The following MACROD2 variants were observed in gnomAD, a reference collection of about 807,000 sequenced individuals.
MACROD2 encodes the protein mono-ADP ribosylhydrolase 2, also known as ADP-ribose glycohydrolase MACROD2.
MACROD2 carries 36 observed loss-of-function variants against 70.4 expected under a neutral mutation model. That is an observed-to-expected ratio of 0.51 (90% CI 0.39 to 0.68). The LOEUF is 0.68. MACROD2 is among the 30% of genes least tolerant of loss of function. The pLI is 0.00. For missense variants in MACROD2, 496 were observed against 538.4 expected, an observed-to-expected ratio of 0.92 and a Z score of 0.78; for synonymous variants, 172 against 178.8, an observed-to-expected ratio of 0.96 and a Z score of 0.30.
At chr20:15,773,359 G>A (rs1253433102) in intron 8 of MACROD2, among the ~76,000 whole-genome samples, 2 of 151,932 alleles carry the variant, frequency 1.3e-5, no homozygotes, top group African/African-American at 2.4e-5. Flanking sequence ...TTTAAAATGA[G>A]GGGACAGAGA....
At chr20:15,194,245 CAAAAAAAAA>C (rs71190180) in intron 5 of MACROD2, among the ~76,000 whole-genome samples, 1 of 49,846 alleles carries the variant, frequency 2.0e-5, no homozygotes, top group Non-Finnish European at 3.3e-5. Context: ...CACTCTGTCT[CAAAAAAAAA>C]AAAAAAAAAA....
intron 5 of MACROD2, among the ~76,000 whole-genome samples, chr20:14,840,033 C>CTTTTTTTTTTTTTTTTTTTTTTT (rs71190154): frequency 7.0e-6 from 1 of 142,492 alleles, no homozygotes. Context: ...GTCTCCATGT[C>CTTTTTTTTTTTTTTTTTTTTTTT]TTTTTTTTTT....
chr20:15,695,297 T>C (rs1157064940), intron 8 of MACROD2, among the ~76,000 whole-genome samples: 1 of 152,216 alleles, frequency 6.6e-6, no homozygotes, highest in Non-Finnish European at 1.5e-5. Flanking sequence ...AATTTGTACA[T>C]TGCTTTTGGC....
At chr20:15,091,343 TAAAAC>T (rs2075791390) in intron 5 of MACROD2, among the ~76,000 whole-genome samples, 1 of 147,156 alleles carries the variant, frequency 6.8e-6, no homozygotes, top group Non-Finnish European at 1.5e-5. Flanking sequence ...ACTTAAAAAA[TAAAAC>T]CAAACAAAAA....
rs1392156371 is a variant in MACROD2 at position 15,821,647 on chromosome 20, G to A, written c.646-41098G>A. ...TGTTCAAAAAATGGATAGTGTGTCC[G>A]TATTGACCATGTACACGCATCTTTC... On this transcript the variant is annotated intron_variant, in intron 8 of 17. Transcript: ENST00000684519. 2.6e-5 allele frequency among the ~76,000 whole-genome samples: 4 copies of A among 152,250 alleles called. No homozygotes were observed. In the East Asian group the frequency reaches 5.8e-4, roughly 22 times the overall value.
At chr20:14,770,327 A>G (rs2072148160) in intron 5 of MACROD2, among the ~76,000 whole-genome samples, 1 of 152,066 alleles carries the variant, frequency 6.6e-6, no homozygotes, top group Non-Finnish European at 1.5e-5. Context: ...ATAGGGGACT[A>G]CAGGAGAGGG....
chr20:14,901,998 AC>A (rs1373536155), intron 5 of MACROD2, among the ~76,000 whole-genome samples: 1 of 152,178 alleles, frequency 6.6e-6, no homozygotes, highest in Non-Finnish European at 1.5e-5. Context: ...AGTGGAACTT[AC>A]TCTAAGCAGT....
chr20:14,722,048 A>C (rs1038172281), intron 5 of MACROD2, among the ~76,000 whole-genome samples: 9 of 152,154 alleles, frequency 5.9e-5, no homozygotes, highest in African/African-American at 1.9e-4. Context: ...CCCATAACAA[A>C]CAACCACAAA....
intron 4 of MACROD2, among the ~76,000 whole-genome samples, chr20:14,667,380 G>GTCTTGCCAATCCACTGATTAAAAT (rs2070747311): frequency 6.6e-6 from 1 of 152,156 alleles, no homozygotes; most frequent in Non-Finnish European, 1.5e-5. Context: ...ATTGCATTTA[G>GTCTTGCCAATCCACTGATTAAAAT]TCTTGCCAAT....
rs188461961 is a variant in MACROD2, at chr20:15,163,412, A to G, written c.419-66528A>G. Among the ~76,000 whole-genome samples the G allele has an allele frequency of 6.3e-4, 96 of 152,174 alleles. 2 individuals are homozygous for G. The East Asian group carries it at 0.018, about 28-fold the overall frequency. On this transcript the variant is annotated intron_variant, in intron 5 of 17. Transcript: ENST00000684519. ...TTGATATGACTGTTAGAAGAAATGAACAAGTCTATAATTTTAGTAGGAGAT... is the reference window on the plus strand; with the variant it reads ...TTGATATGACTGTTAGAAGAAATGAGCAAGTCTATAATTTTAGTAGGAGAT...
intron 5 of MACROD2, among the ~76,000 whole-genome samples, chr20:14,794,989 T>C (rs2072494260): frequency 6.6e-6 from 1 of 151,708 alleles, no homozygotes; most frequent in Admixed American, 6.6e-5. Context: ...GAGGAGGAGG[T>C]ACCTATGTGA....
chr20:15,274,809 A>G (rs1053068860), intron 6 of MACROD2, among the ~76,000 whole-genome samples: 13 of 152,256 alleles, frequency 8.5e-5, no homozygotes, highest in African/African-American at 3.1e-4. Flanking sequence ...ACATTGTGAT[A>G]ATTGAAACAG....
intron 4 of MACROD2, among the ~76,000 whole-genome samples, chr20:14,522,662 C>T (rs1272712083): frequency 2.0e-5 from 3 of 152,172 alleles, no homozygotes; most frequent in South Asian, 2.1e-4. Context: ...TGTCCCTGCA[C>T]GTTTTTCCCT....
At chr20:14,390,424 C>G (rs562959949) in intron 3 of MACROD2, among the ~76,000 whole-genome samples, 10 of 152,222 alleles carry the variant, frequency 6.6e-5, no homozygotes, top group African/African-American at 2.4e-4. Context: ...CAAAAAAGAG[C>G]CAGATAGCAA....
intron 5 of MACROD2, among the ~76,000 whole-genome samples, chr20:15,140,124 AT>A (rs757333680): frequency 1.1e-4 from 16 of 152,166 alleles, no homozygotes; most frequent in Non-Finnish European, 2.2e-4. Context: ...TTTTCTGTAG[AT>A]TTTACCCATG....
intron 3 of MACROD2, among the ~76,000 whole-genome samples, chr20:14,340,060 G>A (rs984807648): frequency 1.3e-5 from 2 of 152,190 alleles, no homozygotes; most frequent in Non-Finnish European, 2.9e-5. Context: ...ACTTCAGATT[G>A]CCCTCCTCTT....
At chr20:14,718,883 A>T (rs992427855) in intron 5 of MACROD2, among the ~76,000 whole-genome samples, 7 of 152,176 alleles carry the variant, frequency 4.6e-5, no homozygotes, top group Non-Finnish European at 8.8e-5. Context: ...ACAAATATAA[A>T]CAAAGAAGAA....
chr20:15,375,031 T>A (rs1471175862), intron 6 of MACROD2, among the ~76,000 whole-genome samples: 1 of 152,228 alleles, frequency 6.6e-6, no homozygotes, highest in Non-Finnish European at 1.5e-5. Context: ...TGAGCTTTCA[T>A]TATTTCCTGC....
At position 15,490,233 on chromosome 20, in the gene MACROD2, CTCCCTTCCCT is replaced by C. The variant is rs199942986; in HGVS notation, c.572-9518_572-9509del. Among the ~76,000 whole-genome samples the C allele has an allele frequency of 3.8e-3, 440 of 114,314 alleles. 2 individuals are homozygous for C. Among genetic ancestry groups the C allele is most frequent in the African/African-American group, 0.011 (379 of 33,886 alleles). The allele number at this position is 114,314 out of a possible 152,430, so 75.0% of individuals were successfully genotyped here. A position where few individuals can be genotyped will look rare whatever the true frequency, so the allele number is the denominator to read the frequency against. ...CCTTCCTTCCTTCCTCCCTTCCTTC[CTCCCTTCCCT>C]TCCCTTCCCTTCCCTTCCCTTCTTT... On this transcript the variant is annotated intron_variant, in intron 7 of 17. Coordinates refer to ENST00000684519, the MANE Select transcript of MACROD2 (RefSeq NM_001351661.2).
Sources: allele counts gnomAD v4.1 joint callset (sites outside exome capture counted in the v4.1 genomes callset), GRCh38; gene constraint gnomAD v4.1.1; transcripts MANE v1.5; gene names NCBI Gene and HGNC (gene_info 2026-07-23, HGNC 2026-07-21).